Variants in ZFAND4 observed in about 807,000 individuals in gnomAD.
ZFAND4 encodes AN1-type zinc finger protein 4.
In ZFAND4, 43 loss-of-function variants were observed where a neutral mutation model predicts 64.4. The observed-to-expected ratio is 0.67, with a 90% CI of 0.52 to 0.86. The LOEUF (loss-of-function observed/expected upper bound fraction) is 0.86, where lower values mean the gene tolerates loss of function less well. Ranked by LOEUF, ZFAND4 falls within the 40% of genes least tolerant of loss-of-function variation. The pLI is 0.00. For synonymous variants in ZFAND4, 296 were observed against 305.7 expected, an observed-to-expected ratio of 0.97 and a Z score of 0.33; for missense variants, 929 against 859.8, an observed-to-expected ratio of 1.08 and a Z score of -1.01.
Position 45,626,727 on chromosome 10 carries a change from G to A in ZFAND4, c.1096C>T (p.Gln366Ter), listed in dbSNP as rs747522281. 17 of 1,614,214 alleles carry A rather than the reference G, an allele frequency of 1.1e-5. No individual in the cohort carries two copies. In the Admixed American group the frequency reaches 2.8e-4, roughly 27 times the overall value. ...AAGTTTCCTAAAAAATGTTTTGTTT[G>A]CCTAGGCAGGGATGATCCAAGATGG... ...VLHLGSSLPR[Q>*]TKHFLGNLPS... The change falls in exon 7 of 10, where the codon CAA (glutamine) becomes TAA (stop). Residue 366 changes from glutamine (Q) to a stop codon, truncating the protein, a stop_gained. Coordinates refer to ENST00000344646, the MANE Select transcript of ZFAND4 (RefSeq NM_174890.4). LOFTEE classifies it high-confidence loss of function.
intron 1 of ZFAND4, among the ~76,000 whole-genome samples, chr10:45,668,380 A>T (rs1232847327): frequency 6.6e-6 from 1 of 152,266 alleles, no homozygotes; most frequent in African/African-American, 2.4e-5. Context: ...CTCCTGAAGG[A>T]AACACTAAAC....
chr10:45,637,565 C>G (rs2046693498), intron 6 of ZFAND4, among the ~76,000 whole-genome samples: 2 of 151,910 alleles, frequency 1.3e-5, no homozygotes, highest in African/African-American at 4.8e-5. Context: ...GCCTGACCAA[C>G]AAGGTGAAAC....
At position 45,653,087 on chromosome 10, in the gene ZFAND4, G is replaced by T. The variant is rs376340912; in HGVS notation, c.185-28C>A. 2.0e-6 allele frequency: 3 copies of T among 1,526,530 alleles called. No homozygotes were observed. In the East Asian group the frequency reaches 6.8e-5, roughly 35 times the overall value. 94.6% of individuals were successfully genotyped at this position (1,526,530 alleles called of 1,614,324 possible). A position where few individuals can be genotyped will look rare whatever the true frequency, so the allele number is the denominator to read the frequency against. On this transcript the variant is annotated intron_variant, in intron 2 of 9. Coordinates refer to ENST00000344646, the MANE Select transcript of ZFAND4 (RefSeq NM_174890.4). The stretch of plus-strand genomic sequence containing the variant: ...TAAGGGAAAGTTATTAAAAAAAAGT[G>T]TTAAAGAATTCAATAGCATCTCCAA...
chr10:45,658,752 CT>C (rs1275787708), intron 2 of ZFAND4, among the ~76,000 whole-genome samples: 4 of 152,182 alleles, frequency 2.6e-5, no homozygotes, highest in Non-Finnish European at 5.9e-5. Context: ...TGACATTCAA[CT>C]TACCAAAAAC....
At position 45,618,269 on chromosome 10, in the gene ZFAND4, A is replaced by G; in HGVS notation, c.1928-9T>C. On this transcript the variant is annotated splice_polypyrimidine_tract_variant and intron_variant, in intron 8 of 9. Transcript: ENST00000344646. ...ATGAGTAGTACATTCTCCTGTTTAG[A>G]GAAAGGACACCTTGATTAACACAGG... The G allele has an allele frequency of 6.2e-7, 1 of 1,609,168 alleles. No individual in the cohort carries two copies. The highest frequency in any genetic ancestry group is 1.1e-5 in the South Asian group (1 of 89,708).
intron 5 of ZFAND4, among the ~76,000 whole-genome samples, chr10:45,641,427 G>A (rs1257587349): frequency 2.0e-5 from 3 of 152,164 alleles, no homozygotes; most frequent in South Asian, 2.1e-4. Flanking sequence ...CAGCCTTAAT[G>A]GGGTATATTC....
At chr10:45,623,600 A>T (rs1020845325) in intron 8 of ZFAND4, among the ~76,000 whole-genome samples, 1 of 152,234 alleles carries the variant, frequency 6.6e-6, no homozygotes, top group Non-Finnish European at 1.5e-5. Flanking sequence ...TAGAGTACCT[A>T]AAAAATCATT....
chr10:45,631,977 C>A, intron 6 of ZFAND4, among the ~76,000 whole-genome samples: 1 of 152,220 alleles, frequency 6.6e-6, no homozygotes, highest in East Asian at 1.9e-4. Flanking sequence ...ACTGTACCTA[C>A]AAGCCTTTCT....
intron 2 of ZFAND4, chr10:45,662,563 A>AT (rs1180031651): frequency 4.1e-6 from 4 of 979,598 alleles, no homozygotes; most frequent in Non-Finnish European, 4.9e-6. Flanking sequence ...ATAAACTATC[A>AT]TGACTCTAGA....
intron 6 of ZFAND4, among the ~76,000 whole-genome samples, chr10:45,637,284 T>A (rs1041013026): frequency 7.1e-6 from 1 of 139,862 alleles, no homozygotes. Flanking sequence ...GAGGTTGCAG[T>A]GGGCCAATAT....
At chr10:45,646,586 G>A (rs2047399973) in intron 5 of ZFAND4, among the ~76,000 whole-genome samples, 2 of 152,156 alleles carry the variant, frequency 1.3e-5, no homozygotes. Context: ...TGGCTGAGGA[G>A]AAGCTGGAGT....
In ZFAND4 at chr10:45,639,875, T is replaced by C. The variant is rs766607715; in HGVS notation, c.658A>G (p.Thr220Ala). 6.2e-6 allele frequency: 10 copies of C among 1,613,428 alleles called. No homozygotes were observed. In the African/African-American group the frequency reaches 1.1e-4, roughly 17 times the overall value. ...SGQQIIENSI[T>A]MNKMKLLKAK... ...TTCAGCAGCTTCATCTTATTCATAG[T>C]TATTGAATTTTCAATTATCTGTTGC... The change falls in exon 6 of 10, where the codon ACT becomes GCT. Residue 220 changes from threonine to alanine, a missense_variant. Thr to Ala is a moderately conservative substitution (Grantham distance 58). Transcript: ENST00000344646.
rs112606631 is a variant in ZFAND4 at position 45,639,714 on chromosome 10, A to G, written c.717+102T>C. ...AACTGAGGCCAGAAACCTGAAATGA[A>G]TAATACTTTATAATTTTTTCACAAT... is the stretch of plus-strand genomic sequence containing the variant. On this transcript the variant is annotated intron_variant, in intron 6 of 9. Coordinates refer to ENST00000344646, the MANE Select transcript of ZFAND4 (RefSeq NM_174890.4). 1,065 of 1,395,144 alleles carry G rather than the reference A, an allele frequency of 7.6e-4. 11 individuals are homozygous for G. The African/African-American group carries it at 0.013, about 17-fold the overall frequency. 86.4% of individuals were successfully genotyped at this position (1,395,144 alleles called of 1,614,324 possible).
intron 6 of ZFAND4, among the ~76,000 whole-genome samples, chr10:45,638,412 T>C: frequency 6.6e-6 from 1 of 150,504 alleles, no homozygotes; most frequent in East Asian, 1.9e-4. Context: ...GACAATGGCG[T>C]GAACCCGGGA....
In ZFAND4 at chr10:45,625,934, G is replaced by A. The variant is rs2045783881; in HGVS notation, c.1872+17C>T. The A allele has an allele frequency of 1.2e-6, 2 of 1,604,118 alleles. No homozygotes were observed. Among genetic ancestry groups the A allele is most frequent in the Middle Eastern group, 1.8e-4 (1 of 5,470 alleles). On this transcript the variant is annotated intron_variant, in intron 7 of 9. Coordinates refer to ENST00000344646, the MANE Select transcript of ZFAND4 (RefSeq NM_174890.4). ...ACAAGGATAACTACTAGAGCATGTT[G>A]AAAGGAAAATACTGACCAAAAAAAC...
At chr10:45,631,441 A>G (rs74482366) in intron 6 of ZFAND4, among the ~76,000 whole-genome samples, 9,078 of 152,078 alleles carry the variant, frequency 0.06, 397 homozygotes, top group African/African-American at 0.12. Context: ...TGTTAAAAAG[A>G]CTCAAGTGTA....
intron 4 of ZFAND4, chr10:45,648,919 T>C: frequency 3.1e-6 from 3 of 981,592 alleles, no homozygotes; most frequent in Non-Finnish European, 3.6e-6. Flanking sequence ...TATTTTCAAA[T>C]ATTGGTTCCA....
At chr10:45,628,879 G>C (rs1432146383) in intron 6 of ZFAND4, among the ~76,000 whole-genome samples, 2 of 105,802 alleles carry the variant, frequency 1.9e-5, no homozygotes, top group African/African-American at 7.6e-5. Flanking sequence ...AAAGTATGGA[G>C]AAGTATGGAG....
intron 4 of ZFAND4, chr10:45,651,573 A>C (rs1324238081): frequency 2.1e-6 from 1 of 472,092 alleles, no homozygotes; most frequent in Admixed American, 2.3e-5. Flanking sequence ...AAACCAGGTA[A>C]ACAGGCAATG....
Sources: gnomAD v4.1 joint callset for allele counts (sites outside exome capture counted in the v4.1 genomes callset) on GRCh38, gnomAD v4.1.1 for gene constraint, MANE v1.5 for transcripts, NCBI Gene and HGNC (gene_info 2026-07-23, HGNC 2026-07-21) for gene names.